The following PRDM16 variants were observed in gnomAD, a reference collection of about 807,000 sequenced individuals.
The protein encoded by PRDM16 is PR/SET domain 16, also known as histone-lysine N-methyltransferase PRDM16.
In PRDM16, 23 loss-of-function variants were observed where a neutral mutation model predicts 110.6. The observed-to-expected ratio is 0.21, with a 90% CI of 0.15 to 0.29. PRDM16 has a LOEUF of 0.29. Ranked by LOEUF, PRDM16 falls within the 10% of genes least tolerant of loss-of-function variation. The pLI is 1.00. For missense variants in PRDM16, 1,615 were observed against 1,794.3 expected (o/e 0.90, Z 1.81); for synonymous variants, 799 against 781.8 (o/e 1.02, Z -0.37).
intron 1 of PRDM16, among the ~76,000 whole-genome samples, chr1:3,147,814 G>A (rs1244062415): frequency 6.6e-6 from 1 of 152,202 alleles, no homozygotes; most frequent in Non-Finnish European, 1.5e-5. Flanking sequence ...GAGGCAGCCA[G>A]AGGTGAATCT....
At chr1:3,228,852 T>G (rs1449154262) in intron 2 of PRDM16, among the ~76,000 whole-genome samples, 1 of 152,208 alleles carries the variant, frequency 6.6e-6, no homozygotes, top group Non-Finnish European at 1.5e-5. Context: ...CGGGACGCGC[T>G]GAGCCATCAC....
intron 3 of PRDM16, among the ~76,000 whole-genome samples, chr1:3,254,843 C>T (rs1313401068): frequency 6.6e-6 from 1 of 152,136 alleles, no homozygotes; most frequent in Non-Finnish European, 1.5e-5. Flanking sequence ...GAGCCCGCAT[C>T]TCCAAGTCAA....
rs191631835 is a variant in PRDM16 at position 3,182,336 on chromosome 1, G to A, written c.38-3789G>A. Among the ~76,000 whole-genome samples the A allele has an allele frequency of 5.6e-4, 86 of 152,302 alleles. 1 individual carries two copies. In the East Asian group the frequency reaches 0.015, roughly 27 times the overall value. Reference sequence around the variant, plus strand: ...TAATCCCCCTCTGAGGGCACTGCTCGTGTGGCCCTGGCAGGTGGACGGTGG... The same window carrying A: ...TAATCCCCCTCTGAGGGCACTGCTCATGTGGCCCTGGCAGGTGGACGGTGG... On this transcript the variant is annotated intron_variant, in intron 1 of 16. Transcript: ENST00000270722.
chr1:3,175,197 T>C lies in PRDM16; in HGVS notation c.38-10928T>C, dbSNP rs576010356. Among the ~76,000 whole-genome samples the C allele has an allele frequency of 6.6e-6, 1 of 152,302 alleles. No individual in the cohort carries two copies. Among genetic ancestry groups the C allele is most frequent in the South Asian group, 2.1e-4 (1 of 4,818 alleles). ...GAAGAACAAGATAGAACTCCATCAG[T>C]TCCCAAGTTTCTCTTTCTAGCAAAC... On this transcript the variant is annotated intron_variant, in intron 1 of 16. Coordinates refer to ENST00000270722, the MANE Select transcript of PRDM16 (RefSeq NM_022114.4). The surrounding 1 kb of genome is among the most constrained non-coding windows in gnomAD (Gnocchi z 4.8).
At chr1:3,205,238 A>G (rs1638728291) in intron 2 of PRDM16, among the ~76,000 whole-genome samples, 1 of 152,146 alleles carries the variant, frequency 6.6e-6, no homozygotes, top group Non-Finnish European at 1.5e-5. Flanking sequence ...GTGCAGCCAC[A>G]GGGCACCCAC....
At chr1:3,098,340 C>T (rs1022319305) in intron 1 of PRDM16, among the ~76,000 whole-genome samples, 4 of 152,288 alleles carry the variant, frequency 2.6e-5, no homozygotes, top group Admixed American at 1.3e-4. Context: ...AACTCTTGGG[C>T]GAGGTCACCC....
At chr1:3,163,932 C>T (rs900673918) in intron 1 of PRDM16, among the ~76,000 whole-genome samples, 12 of 152,332 alleles carry the variant, frequency 7.9e-5, no homozygotes, top group East Asian at 7.7e-4. Context: ...TGGATAACCT[C>T]ACTTCATCTC....
intron 4 of PRDM16, among the ~76,000 whole-genome samples, chr1:3,387,728 A>G (rs1398999453): frequency 6.6e-6 from 1 of 152,244 alleles, no homozygotes; most frequent in East Asian, 1.9e-4. Context: ...CTGAGTTGGC[A>G]GCTTCTTCTC....
chr1:3,279,714 G>A (rs1279244085), intron 3 of PRDM16, among the ~76,000 whole-genome samples: 1 of 152,224 alleles, frequency 6.6e-6, no homozygotes, highest in Non-Finnish European at 1.5e-5. Flanking sequence ...TGAAGGGGAT[G>A]GTGGAGGAAG....
intron 4 of PRDM16, among the ~76,000 whole-genome samples, chr1:3,393,745 C>T (rs1643335361): frequency 6.7e-6 from 1 of 150,302 alleles, no homozygotes; most frequent in African/African-American, 2.5e-5. Context: ...TTGTCTGCAC[C>T]TCCGCGCCGC....
chr1:3,140,841 C>T lies in PRDM16; in HGVS notation c.38-45284C>T, dbSNP rs370867400. On this transcript the variant is annotated intron_variant, in intron 1 of 16. Coordinates refer to ENST00000270722, the MANE Select transcript of PRDM16 (RefSeq NM_022114.4). ...CATGGTACGACGGATGGGCTTCCCT[C>T]GGCAAAACCGTCATCCACATTGATC... is the stretch of plus-strand genomic sequence containing the variant. Among the ~76,000 whole-genome samples the T allele has an allele frequency of 1.1e-4, 17 of 152,226 alleles. No individual in the cohort carries two copies. The East Asian group carries it at 1.2e-3, about 10-fold the overall frequency.
chr1:3,294,587 A>G (rs1354697422), intron 3 of PRDM16, among the ~76,000 whole-genome samples: 1 of 152,068 alleles, frequency 6.6e-6, no homozygotes. Context: ...CCCCCCAGGA[A>G]CATCCCCGGA....
intron 1 of PRDM16, among the ~76,000 whole-genome samples, chr1:3,095,677 T>G (rs1041310620): frequency 2.6e-5 from 4 of 152,052 alleles, no homozygotes; most frequent in African/African-American, 9.7e-5. Flanking sequence ...AGACGCAGCC[T>G]CACAGTGTGT....
At chr1:3,349,633 G>A (rs537887469) in intron 3 of PRDM16, among the ~76,000 whole-genome samples, 12 of 152,306 alleles carry the variant, frequency 7.9e-5, no homozygotes, top group East Asian at 3.9e-4. Context: ...GAGGCAGCCC[G>A]GCAGAGCTCA....
intron 1 of PRDM16, among the ~76,000 whole-genome samples, chr1:3,164,280 A>C (rs904201382): frequency 3.3e-5 from 5 of 152,272 alleles, no homozygotes; most frequent in African/African-American, 9.6e-5. Context: ...GTTGGCGAAC[A>C]GTGTAATAGG....
At chr1:3,252,774 G>A (rs913222016) in intron 3 of PRDM16, among the ~76,000 whole-genome samples, 4 of 152,160 alleles carry the variant, frequency 2.6e-5, no homozygotes, top group African/African-American at 7.2e-5. Context: ...GGGGGTCCCA[G>A]CTGGGACCAC....
At chr1:3,264,529 C>G (rs560555938) in intron 3 of PRDM16, among the ~76,000 whole-genome samples, 2 of 146,678 alleles carry the variant, frequency 1.4e-5, no homozygotes, top group South Asian at 2.2e-4. Context: ...CTGAGAACCC[C>G]GGGCCAGGAG....
chr1:3,078,995 A>G (rs1477713201), intron 1 of PRDM16, among the ~76,000 whole-genome samples: 1 of 152,154 alleles, frequency 6.6e-6, no homozygotes, highest in Non-Finnish European at 1.5e-5. Context: ...AAGACCAAAA[A>G]TGACGCTCAC....
At chr1:3,125,212 C>T (rs994578080) in intron 1 of PRDM16, among the ~76,000 whole-genome samples, 25 of 152,280 alleles carry the variant, frequency 1.6e-4, no homozygotes, top group African/African-American at 5.5e-4. Flanking sequence ...CCTCAGCCAG[C>T]GCGCTTCCCG....
Sources: gnomAD v4.1 joint callset for allele counts (sites outside exome capture counted in the v4.1 genomes callset) on GRCh38, gnomAD v4.1.1 for gene constraint, Gnocchi (gnomAD v3.1) non-coding constraint, MANE v1.5 for transcripts, NCBI Gene and HGNC (gene_info 2026-07-23, HGNC 2026-07-21) for gene names.